KLK8: variants seen among roughly 807,000 people sequenced by gnomAD.
KLK8 encodes kallikrein related peptidase 8, also known as kallikrein-8.
A neutral mutation model predicts 26.7 loss-of-function variants in KLK8; 18 were observed. The observed-to-expected ratio is 0.67, with a 90% confidence interval of 0.47 to 1.00. The LOEUF (loss-of-function observed/expected upper bound fraction) is 1.00, where lower values mean the gene tolerates loss of function less well. Among genes scored for constraint, KLK8 ranks in the 50% least tolerant of loss-of-function variants. KLK8 has a pLI of 0.00. For missense variants in KLK8, 301 were observed against 331.7 expected, an observed-to-expected ratio of 0.91 and a Z score of 0.72; for synonymous variants, 137 against 127.1, an observed-to-expected ratio of 1.08 and a Z score of -0.52.
chr19:50,996,919 CA>C (rs1568554306), intron 6 of KLK8, among the ~76,000 whole-genome samples: 52 of 151,514 alleles, frequency 3.4e-4, no homozygotes, highest in South Asian at 2.7e-3. Flanking sequence ...CACACACACA[CA>C]CACACACACA....
At chr19:50,999,711 T>C (rs1455818962) in intron 5 of KLK8, among the ~76,000 whole-genome samples, 2 of 142,366 alleles carry the variant, frequency 1.4e-5, no homozygotes, top group Non-Finnish European at 3.0e-5. Context: ...TAAGATTATA[T>C]AAAATCCTAT....
Position 50,996,212 on chromosome 19 carries a change from G to A in KLK8, c.630C>T (p.Gly210=), listed in dbSNP as rs199667123. Residue 210 remains glycine (G), a splice_region_variant and synonymous_variant, in exon 7 of 7, where the codon GGC becomes GGT. Coordinates refer to ENST00000600767, the Ensembl canonical transcript of KLK8. ...CACACACCAGGGGGCCTCCAGAATC[G>A]CCCTAGACAGGGAGAATGAGAACAG... is the stretch of plus-strand genomic sequence containing the variant. The A allele has an allele frequency of 9.4e-5, 152 of 1,613,544 alleles. 1 individual carries two copies. Among genetic ancestry groups the A allele is most frequent in the Admixed American group, 2.5e-4 (15 of 59,964 alleles).
intron 5 of KLK8, among the ~76,000 whole-genome samples, chr19:50,999,724 A>T (rs2091203476): frequency 6.6e-6 from 1 of 151,564 alleles, no homozygotes; most frequent in Non-Finnish European, 1.5e-5. Context: ...AATCCTATAC[A>T]ACCAAAGGTC....
chr19:50,999,840 C>T (rs909801297), intron 5 of KLK8, among the ~76,000 whole-genome samples, 156 bp downstream of exon 4: 3 of 151,952 alleles, frequency 2.0e-5, no homozygotes, highest in Admixed American at 6.6e-5. Context: ...GTCAGATCTT[C>T]GAGGCTTCTC....
At chr19:50,997,333 C>T (rs889634344) in intron 6 of KLK8, among the ~76,000 whole-genome samples, 1 of 152,030 alleles carries the variant, frequency 6.6e-6, no homozygotes, top group Non-Finnish European at 1.5e-5. Context: ...GATTCTAGCC[C>T]GGTCTCAAAG....
chr19:50,999,616 A>AAAAAAAAAAAAAG, intron 5 of KLK8, among the ~76,000 whole-genome samples: 1 of 142,614 alleles, frequency 7.0e-6, no homozygotes, highest in Non-Finnish European at 1.5e-5. Flanking sequence ...AAAAAAAAAA[A>AAAAAAAAAAAAAG]AAAAAAAAGG....
chr19:51,000,075 G>A (rs10409072), exon 5 of KLK8: 32,537 of 1,613,906 alleles, frequency 0.02, 674 homozygotes, highest in African/African-American at 0.092. Context: ...CCAGGCTGAT[G>A]GGCTTCACTT....
rs556238696 is a variant in KLK8 at position 51,000,697 on chromosome 19, A to C, written c.71-114T>G. The C allele has an allele frequency of 1.9e-6, 3 of 1,550,278 alleles. No individual in the cohort carries two copies. The African/African-American group carries it at 4.1e-5, about 21-fold the overall frequency. On this transcript the variant is annotated intron_variant, in intron 3 of 6. Transcript: ENST00000600767. Reference sequence around the variant, plus strand: ...CAAGTTCTCCGCATACAACTTAGTGAGGAGGTCCAGGCTTCCACACGCTGC... The same window carrying C: ...CAAGTTCTCCGCATACAACTTAGTGCGGAGGTCCAGGCTTCCACACGCTGC...
rs12610313 is a variant in KLK8, at chr19:50,998,508, G to T, written c.494-624C>A. 2.8e-3 allele frequency among the ~76,000 whole-genome samples: 429 copies of T among 152,212 alleles called. 11 individuals carry two copies. In the East Asian group the frequency reaches 0.076, roughly 27 times the overall value. ...TGCAACAGCACCTCAGGCATACTAG[G>T]TGCTCAGTAAATAAGAGTTGAATTA... is the stretch of plus-strand genomic sequence containing the variant. On this transcript the variant is annotated intron_variant, in intron 5 of 6. Coordinates refer to ENST00000600767, the Ensembl canonical transcript of KLK8.
At chr19:51,000,699 G>C (rs1182635915) in intron 3 of KLK8, 116 bp from the exon 3 acceptor site, 1 of 1,550,064 alleles carries the variant, frequency 6.5e-7, no homozygotes, top group Non-Finnish European at 8.7e-7. Context: ...ACTTAGTGAG[G>C]AGGTCCAGGC....
chr19:50,996,185 A>G (rs757435061), exon 7 of KLK8: 14 of 1,614,084 alleles, frequency 8.7e-6, no homozygotes, highest in South Asian at 1.1e-5. Flanking sequence ...GGAGTGCACC[A>G]TCACACACCA....
chr19:50,999,558 G>A (rs1037078554), intron 5 of KLK8, among the ~76,000 whole-genome samples: 4 of 112,464 alleles, frequency 3.6e-5, no homozygotes, highest in African/African-American at 1.4e-4. Context: ...CAGCCTGGGC[G>A]ATTGAGTGAA....
At chr19:50,996,934 A>C (rs1034517200) in intron 6 of KLK8, among the ~76,000 whole-genome samples, 57 of 55,804 alleles carry the variant, frequency 1.0e-3, no homozygotes, top group African/African-American at 4.9e-3. Context: ...ACACACACAC[A>C]CACACCATAT....
At chr19:50,996,306 G>T in intron 6 of KLK8, 92 bp from the exon 6 acceptor site, 1 of 1,420,328 alleles carries the variant, frequency 7.0e-7, no homozygotes, top group Non-Finnish European at 9.8e-7. Flanking sequence ...TCTTTGGCAT[G>T]ATTGGTCCCC....
chr19:51,000,035 A>G (rs2091206683), exon 5 of KLK8: 2 of 1,609,966 alleles, frequency 1.2e-6, no homozygotes, highest in Non-Finnish European at 8.5e-7. Context: ...GAGACGGTGC[A>G]CTTCTGGCCA....
intron 6 of KLK8, among the ~76,000 whole-genome samples, chr19:50,996,577 A>G (rs1189713296): frequency 6.6e-6 from 1 of 152,054 alleles, no homozygotes; most frequent in Non-Finnish European, 1.5e-5. Flanking sequence ...TACTAAAAAT[A>G]CAAAAACTAG....
At chr19:50,996,487 A>C (rs1422915352) in intron 6 of KLK8, among the ~76,000 whole-genome samples, 1 of 151,810 alleles carries the variant, frequency 6.6e-6, no homozygotes, top group Non-Finnish European at 1.5e-5. Flanking sequence ...CAATCCCGGC[A>C]CTTTGGGAGG....
rs1366518824 is a variant in KLK8 at position 51,000,405 on chromosome 19, G to T, written c.230+19C>A. The T allele has an allele frequency of 6.3e-7, 1 of 1,590,856 alleles. No homozygotes were observed. The highest frequency in any genetic ancestry group is 8.6e-7 in the Non-Finnish European group (1 of 1,166,386). The stretch of plus-strand genomic sequence containing the variant: ...TTTCCTTAAGCCCCAGCTGACCTCT[G>T]CCCCCATCATCCACTCACGGTTTTT... On this transcript the variant is annotated intron_variant, in intron 4 of 6. Coordinates refer to ENST00000600767, the Ensembl canonical transcript of KLK8.
intron 5 of KLK8, among the ~76,000 whole-genome samples, chr19:50,999,438 G>A (rs2091198734): frequency 1.3e-5 from 2 of 151,410 alleles, no homozygotes; most frequent in East Asian, 1.9e-4. Context: ...AAATTAGCTC[G>A]CGTGGTGGCG....
Sources: gnomAD v4.1 joint callset for allele counts (sites outside exome capture counted in the v4.1 genomes callset) on GRCh38, gnomAD v4.1.1 for gene constraint, MANE v1.5 for transcripts, NCBI Gene and HGNC (gene_info 2026-07-23, HGNC 2026-07-21) for gene names.